Variants in SORBS3 observed in about 807,000 individuals in gnomAD.
SORBS3 encodes sorbin and SH3 domain containing 3, also known as vinexin.
A neutral mutation model predicts 98.0 loss-of-function variants in SORBS3; 69 were observed. The observed-to-expected ratio is 0.70, with a 90% CI of 0.58 to 0.86. The LOEUF is 0.86. Among genes scored for constraint, SORBS3 ranks in the 40% least tolerant of loss-of-function variants. The pLI is 0.00. For synonymous variants in SORBS3, 394 were observed against 355.4 expected, an observed-to-expected ratio of 1.11 and a Z score of -1.22; for missense variants, 954 against 908.5, an observed-to-expected ratio of 1.05 and a Z score of -0.64.
chr8:22,569,017 T>G, intron 16 of SORBS3, 131 bp from the exon 17 acceptor site: 1 of 936,412 alleles, frequency 1.1e-6, no homozygotes. Context: ...CCCCAGGGCT[T>G]GTGTCTGGTG....
chr8:22,571,833 C>G lies in SORBS3; in HGVS notation c.1847+12C>G, dbSNP rs1023704532. ...ATACACTGGACCCCGTGAGTACCATCTGAGGGCTCTTGATCAGACGTGGGG... is the reference window on the plus strand; with the variant it reads ...ATACACTGGACCCCGTGAGTACCATGTGAGGGCTCTTGATCAGACGTGGGG... On this transcript the variant is annotated intron_variant, in intron 19 of 20. Coordinates refer to ENST00000240123, the MANE Select transcript of SORBS3 (RefSeq NM_005775.5). The G allele has an allele frequency of 6.3e-7, 1 of 1,574,866 alleles. No individual in the cohort carries two copies. Among genetic ancestry groups the G allele is most frequent in the Non-Finnish European group, 8.7e-7 (1 of 1,144,546 alleles).
At chr8:22,565,644 AC>A in intron 11 of SORBS3, 181 bp from the exon 12 acceptor site, 3 of 1,055,252 alleles carry the variant, frequency 2.8e-6, no homozygotes, top group East Asian at 3.6e-5. Flanking sequence ...AGCCTCGGGG[AC>A]CCCCGCCCCT....
At chr8:22,571,888 C>G (rs986643504) in intron 19 of SORBS3, 67 bp downstream of exon 19, 23 of 1,127,398 alleles carry the variant, frequency 2.0e-5, no homozygotes, top group Non-Finnish European at 3.0e-5. Context: ...GCCCCATATT[C>G]CACCCTCCCC....
At chr8:22,567,331 T>C (rs1430085930) in intron 16 of SORBS3, among the ~76,000 whole-genome samples, 156 bp downstream of exon 16, 1 of 152,194 alleles carries the variant, frequency 6.6e-6, no homozygotes, top group African/African-American at 2.4e-5. Context: ...CTTGGCCCAA[T>C]GCTGTGCATG....
upstream of SORBS3, among the ~76,000 whole-genome samples, chr8:22,549,436 T>C (rs1040386250): frequency 1.2e-4 from 18 of 152,212 alleles, no homozygotes; most frequent in African/African-American, 4.1e-4. Context: ...ACCTGGTTCC[T>C]GGCTCAATCT....
intron 5 of SORBS3, among the ~76,000 whole-genome samples, chr8:22,559,278 A>C (rs1286902058): frequency 6.6e-6 from 1 of 152,224 alleles, no homozygotes; most frequent in Non-Finnish European, 1.5e-5. Context: ...GAGACTCTGA[A>C]TACACTGCAG....
intron 11 of SORBS3, 187 bp from the exon 12 acceptor site, chr8:22,565,639 C>T: frequency 8.8e-7 from 1 of 1,141,572 alleles, no homozygotes; most frequent in Non-Finnish European, 1.1e-6. Context: ...GCCCCAGCCT[C>T]GGGGACCCCC....
chr8:22,571,383 G>A (rs1840580038), intron 18 of SORBS3, among the ~76,000 whole-genome samples, 162 bp downstream of exon 18: 1 of 152,138 alleles, frequency 6.6e-6, no homozygotes, highest in Non-Finnish European at 1.5e-5. Context: ...CTGGCCTGGG[G>A]GACCTCAACC....
At chr8:22,551,336 G>A (rs1001734973), upstream of SORBS3, among the ~76,000 whole-genome samples, 1 of 151,844 alleles carries the variant, frequency 6.6e-6, no homozygotes. This position sits in a 1 kb window ranked among gnomAD's most constrained non-coding sequence, Gnocchi z 5.8. Context: ...GCCTTCCCCT[G>A]GTCCGCTCCG....
chr8:22,571,291 TC>T, intron 18 of SORBS3, 70 bp downstream of exon 18: 1 of 902,564 alleles, frequency 1.1e-6, no homozygotes, highest in African/African-American at 1.6e-5. Context: ...CCGTGACTTG[TC>T]CACACTTGGG....
In SORBS3 at chr8:22,556,839, C is replaced by G. The variant is rs1227787539; in HGVS notation, c.345C>G (p.Asp115Glu). The G allele has an allele frequency of 3.7e-6, 6 of 1,613,630 alleles. No individual in the cohort carries two copies. The highest frequency in any genetic ancestry group is 1.6e-4 in the Middle Eastern group (1 of 6,062). The change falls in exon 4 of 21, where the codon GAC (aspartate) becomes GAG (glutamate). Residue 115 changes from aspartate (D) to glutamate (E), a missense_variant. By Grantham distance (45) the Asp-to-Glu change is conservative (BLOSUM62 2). Transcript: ENST00000240123. ...ATWTKDSKRR[D>E]KRWVKYEGIG... is the part of the protein sequence containing the mutation. ...GGACCAAGGACAGCAAGCGTCGGGACAAGCGCTGGGTCAAGTACGAGGGAA... is the reference window on the plus strand; with the variant it reads ...GGACCAAGGACAGCAAGCGTCGGGAGAAGCGCTGGGTCAAGTACGAGGGAA...
chr8:22,553,014 G>C (rs1197972655), intron 1 of SORBS3, among the ~76,000 whole-genome samples: 1 of 152,180 alleles, frequency 6.6e-6, no homozygotes, highest in South Asian at 2.1e-4. Flanking sequence ...ACTCAAACCA[G>C]AGACAAGGAG....
At chr8:22,565,112 G>A (rs1840377446) in intron 10 of SORBS3, 156 bp from the exon 11 acceptor site, 4 of 1,462,166 alleles carry the variant, frequency 2.7e-6, no homozygotes, top group Non-Finnish European at 3.6e-6. Flanking sequence ...TGGCACCCTG[G>A]GCCACACCTC....
rs543370177 is a variant in SORBS3, at chr8:22,561,880, G to C, written c.533G>C (p.Gly178Ala). 2.5e-6 allele frequency: 4 copies of C among 1,614,144 alleles called. No individual in the cohort carries two copies. In the East Asian group the frequency reaches 6.7e-5, roughly 27 times the overall value. ...EEPPRDPRHLGAQQRPAHRPG... is the reference protein window; with the variant it reads ...EEPPRDPRHLAAQQRPAHRPG... ...TCCTCTGCAGACCCCAGGCATCTAG[G>C]AGCCCAGCAAAGACCTGCCCACAGG... Residue 178 changes from glycine to alanine, a missense_variant, in exon 7 of 21, where the codon GGA becomes GCA. Transcript: ENST00000240123.
upstream of SORBS3, chr8:22,549,973 G>A (rs1189087203): frequency 2.3e-5 from 23 of 985,320 alleles, no homozygotes; most frequent in African/African-American, 5.2e-5. Flanking sequence ...TCCTGGAGTC[G>A]GAAGAGCTTC....
intron 5 of SORBS3, among the ~76,000 whole-genome samples, chr8:22,560,040 C>T (rs1158871677): frequency 2.7e-5 from 4 of 146,652 alleles, no homozygotes; most frequent in Non-Finnish European, 6.0e-5. Flanking sequence ...GCACTCCAGC[C>T]TGGGTGACTC....
chr8:22,565,460 C>A (rs995530948), intron 11 of SORBS3, 106 bp downstream of exon 11: 12 of 911,396 alleles, frequency 1.3e-5, no homozygotes, highest in South Asian at 2.5e-5. Flanking sequence ...CAGCCGAGGT[C>A]CGGCCTCCAG....
rs771948994 is a variant in SORBS3 at position 22,574,651 on chromosome 8, G to A, written c.1955-16G>A. 16 of 1,612,310 alleles carry A rather than the reference G, an allele frequency of 9.9e-6. No individual in the cohort carries two copies. In the South Asian group the frequency reaches 1.8e-4, roughly 18 times the overall value. Reference sequence around the variant, plus strand: ...GAAGGGAGTGGGGAAAGCTCTTCCTGCCTTTCCTCTTTCAGGTGTCTCCCG... The same window carrying A: ...GAAGGGAGTGGGGAAAGCTCTTCCTACCTTTCCTCTTTCAGGTGTCTCCCG... On this transcript the variant is annotated splice_polypyrimidine_tract_variant and intron_variant, in intron 20 of 20. Transcript: ENST00000240123.
intron 1 of SORBS3, among the ~76,000 whole-genome samples, chr8:22,545,812 C>T (rs897228969): frequency 1.8e-4 from 28 of 152,256 alleles, no homozygotes; most frequent in African/African-American, 6.3e-4. Flanking sequence ...GAGGAGCAGG[C>T]CTGTCATAGA....
Sources: allele counts gnomAD v4.1 joint callset (sites outside exome capture counted in the v4.1 genomes callset), GRCh38; gene constraint gnomAD v4.1.1; non-coding constraint Gnocchi (gnomAD v3.1); transcripts MANE v1.5; gene names NCBI Gene and HGNC (gene_info 2026-07-23, HGNC 2026-07-21).